TRAM2: variants seen among roughly 807,000 people sequenced by gnomAD.
The protein encoded by TRAM2 is translocation associated membrane protein 2, also known as translocating chain-associated membrane protein 2.
A neutral mutation model predicts 51.0 loss-of-function variants in TRAM2; 12 were observed. The ratio of observed to expected loss-of-function variants is 0.24; its 90% CI spans 0.15 to 0.38. The LOEUF (loss-of-function observed/expected upper bound fraction) is 0.38. TRAM2 is among the 10% of genes least tolerant of loss of function. TRAM2 has a pLI of 1.00. For synonymous variants in TRAM2, 175 were observed against 179.4 expected (o/e 0.98, Z 0.20); for missense variants, 361 against 462.0 (o/e 0.78, Z 2.00).
intron 6 of TRAM2, 104 bp from the exon 7 acceptor site, chr6:52,507,727 G>C (rs1766375259): frequency 9.0e-7 from 1 of 1,109,170 alleles, no homozygotes; most frequent in South Asian, 1.4e-5. Flanking sequence ...GCTCCTCTGG[G>C]CTGCTTTAAC....
chr6:52,517,193 A>G (rs1766567230), intron 2 of TRAM2: 1 of 157,352 alleles, frequency 6.4e-6, no homozygotes, highest in African/African-American at 2.4e-5. Context: ...CAGAAGCTGG[A>G]CTCTTCAGTT....
rs1211049542 is a variant in TRAM2, at chr6:52,500,058, TCTC to T, written c.*3136_*3138del. On this transcript the variant is annotated 3_prime_UTR_variant, in exon 11 of 11. Transcript: ENST00000182527. ...CCTTGGTCCACCAGCGCCACCTCCC[TCTC>T]CTCCTGCTGTGTCTGTTGGCTTCCC... 2.0e-5 allele frequency: 3 copies of T among 152,326 alleles called. No individual in the cohort carries two copies. Among genetic ancestry groups the T allele is most frequent in the Non-Finnish European group, 4.4e-5 (3 of 68,164 alleles). 9.4% of individuals were successfully genotyped at this position (152,326 alleles called of 1,614,324 possible).
chr6:52,546,360 G>A (rs546982543), intron 1 of TRAM2, among the ~76,000 whole-genome samples: 1 of 152,296 alleles, frequency 6.6e-6, no homozygotes, highest in East Asian at 1.9e-4. Context: ...AGCCACTGAT[G>A]GTTTTCAAGC....
chr6:52,545,868 GC>G (rs1767189563), intron 1 of TRAM2, among the ~76,000 whole-genome samples: 1 of 151,892 alleles, frequency 6.6e-6, no homozygotes, highest in Non-Finnish European at 1.5e-5. Context: ...TTCATGTTTT[GC>G]CCCCACTCCC....
At chr6:52,560,555 T>A (rs958129592) in intron 1 of TRAM2, among the ~76,000 whole-genome samples, 1 of 152,224 alleles carries the variant, frequency 6.6e-6, no homozygotes, top group Non-Finnish European at 1.5e-5. Flanking sequence ...AATCTGTTCA[T>A]TGTAGGTGGA....
intron 1 of TRAM2, among the ~76,000 whole-genome samples, chr6:52,553,004 C>A (rs2114098067): frequency 6.6e-6 from 1 of 152,282 alleles, no homozygotes; most frequent in East Asian, 1.9e-4. Context: ...GTAGGAGAGA[C>A]TTCTAACTGG....
At chr6:52,540,686 G>A (rs1352059214) in intron 1 of TRAM2, among the ~76,000 whole-genome samples, 2 of 152,240 alleles carry the variant, frequency 1.3e-5, no homozygotes, top group African/African-American at 4.8e-5. Flanking sequence ...CACCAGCTGA[G>A]TTCCTGTAGC....
At chr6:52,549,397 C>T (rs139177391) in intron 1 of TRAM2, among the ~76,000 whole-genome samples, 17 of 152,138 alleles carry the variant, frequency 1.1e-4, no homozygotes, top group African/African-American at 4.1e-4. Flanking sequence ...TGATTCAAGC[C>T]AAGATAAAGA....
At chr6:52,521,726 T>C (rs1156562744) in intron 2 of TRAM2, among the ~76,000 whole-genome samples, 1 of 149,682 alleles carries the variant, frequency 6.7e-6, no homozygotes, top group African/African-American at 2.4e-5. Flanking sequence ...TAAAATAAAA[T>C]AAAACAAAAC....
intron 1 of TRAM2, among the ~76,000 whole-genome samples, chr6:52,543,928 T>C (rs1471537397): frequency 1.3e-5 from 2 of 152,200 alleles, no homozygotes; most frequent in South Asian, 2.1e-4. Flanking sequence ...TTTGCCTTCA[T>C]TTGCTTGTTT....
chr6:52,557,192 C>CAAAAAAAAAAAAAA lies in TRAM2; in HGVS notation c.120+19603_120+19604insTTTTTTTTTTTTTT, dbSNP rs371429027. ...TGGGAGACAAAGCAAAACTCTGTCT[C>CAAAAAAAAAAAAAA]AAAAAAAAAAGATATGTCTGGTGAG... is the stretch of plus-strand genomic sequence containing the variant. On this transcript the variant is annotated intron_variant, in intron 1 of 10. Coordinates refer to ENST00000182527, the MANE Select transcript of TRAM2 (RefSeq NM_012288.4). Among the ~76,000 whole-genome samples the CAAAAAAAAAAAAAA allele has an allele frequency of 2.4e-4, 33 of 140,068 alleles. 2 individuals are homozygous for CAAAAAAAAAAAAAA. The highest frequency in any genetic ancestry group is 2.4e-4 in the Non-Finnish European group (15 of 63,636). The allele number at this position is 140,068 out of a possible 152,430, so 91.9% of individuals were successfully genotyped here. A position where few individuals can be genotyped will look rare whatever the true frequency, so the allele number is the denominator to read the frequency against.
At position 52,540,484 on chromosome 6, in the gene TRAM2, A is replaced by G. The variant is rs1157016133; in HGVS notation, c.121-4638T>C. The stretch of plus-strand genomic sequence containing the variant: ...CTCCAAGCTTTTCTGCAGCCACCTG[A>G]AGGAGTGATCAGCTTCTAGATTGAC... On this transcript the variant is annotated intron_variant, in intron 1 of 10. Coordinates refer to ENST00000182527, the MANE Select transcript of TRAM2 (RefSeq NM_012288.4). 2.0e-5 allele frequency among the ~76,000 whole-genome samples: 3 copies of G among 152,324 alleles called. No individual in the cohort carries two copies. The East Asian group carries it at 5.8e-4, about 29-fold the overall frequency.
At chr6:52,576,394 G>A (rs1331455485) in intron 1 of TRAM2, among the ~76,000 whole-genome samples, 6 of 152,228 alleles carry the variant, frequency 3.9e-5, no homozygotes, top group African/African-American at 1.4e-4. Context: ...CACCCCTTGG[G>A]GCAAGAGGGG....
intron 2 of TRAM2, among the ~76,000 whole-genome samples, chr6:52,525,961 G>T (rs989954703): frequency 1.3e-5 from 2 of 152,008 alleles, no homozygotes; most frequent in Non-Finnish European, 2.9e-5. Flanking sequence ...ACAGGGAGAT[G>T]ACGACCATTT....
At chr6:52,573,240 C>T (rs144850122) in intron 1 of TRAM2, among the ~76,000 whole-genome samples, 187 of 152,216 alleles carry the variant, frequency 1.2e-3, no homozygotes, top group African/African-American at 4.2e-3. Flanking sequence ...GAACAGGACA[C>T]TGGAAGGAGA....
intron 1 of TRAM2, among the ~76,000 whole-genome samples, chr6:52,541,801 C>CTTTTTTTTTTTTTTTT (rs113470524): frequency 1.1e-4 from 8 of 75,182 alleles, no homozygotes; most frequent in South Asian, 1.5e-3. Flanking sequence ...TCAGTTTATT[C>CTTTTTTTTTTTTTTTT]TGTTTTTTTT....
At position 52,531,459 on chromosome 6, in the gene TRAM2, C is replaced by G. The variant is rs1332608216; in HGVS notation, c.184+4324G>C. 2.6e-5 allele frequency among the ~76,000 whole-genome samples: 4 copies of G among 152,198 alleles called. No homozygotes were observed. The East Asian group carries it at 7.7e-4, about 29-fold the overall frequency. On this transcript the variant is annotated intron_variant, in intron 2 of 10. Coordinates refer to ENST00000182527, the MANE Select transcript of TRAM2 (RefSeq NM_012288.4). ...TCTCTTGCTAAAGTAACTGAAACCC[C>G]CTCCATTTAGCATGTACTTCACTGT...
rs1382445373 is a variant in TRAM2, at chr6:52,564,857, C to T, written c.120+11939G>A. On this transcript the variant is annotated intron_variant, in intron 1 of 10. Coordinates refer to ENST00000182527, the MANE Select transcript of TRAM2 (RefSeq NM_012288.4). ...CTCAGGGCAGAGGGGCTGGAAAGCGCGTTCTGAGCAGGTGGTGCTTTTGCC... is the reference window on the plus strand; with the variant it reads ...CTCAGGGCAGAGGGGCTGGAAAGCGTGTTCTGAGCAGGTGGTGCTTTTGCC... Among the ~76,000 whole-genome samples, 8 of 152,128 alleles carry T rather than the reference C, an allele frequency of 5.3e-5. 1 individual carries two copies. The highest frequency in any genetic ancestry group is 2.1e-4 in the South Asian group (1 of 4,822).
chr6:52,560,658 C>T (rs16882735), intron 1 of TRAM2, among the ~76,000 whole-genome samples: 14,934 of 152,204 alleles, frequency 0.098, 1,337 homozygotes, highest in East Asian at 0.49. Context: ...TTCACACTGT[C>T]GTATGAACTC....
Sources: allele counts gnomAD v4.1 joint callset (sites outside exome capture counted in the v4.1 genomes callset), GRCh38; gene constraint gnomAD v4.1.1; transcripts MANE v1.5; gene names NCBI Gene and HGNC (gene_info 2026-07-23, HGNC 2026-07-21).